DGKI: variants seen among roughly 807,000 people sequenced by gnomAD.
The protein encoded by DGKI is diacylglycerol kinase iota.
Under a neutral mutation model 147.5 loss-of-function variants are expected in DGKI, and 55 were observed. The ratio of observed to expected loss-of-function variants is 0.37; its 90% confidence interval spans 0.30 to 0.47. The LOEUF is 0.47. Among genes scored for constraint, DGKI ranks in the 20% least tolerant of loss-of-function variants. The probability of loss-of-function intolerance (pLI) is 1.00; values close to 1 mark genes in which losing one functional copy is unlikely to be tolerated. For synonymous variants in DGKI, 469 were observed against 477.1 expected (o/e 0.98, Z 0.22); for missense variants, 1,007 against 1,323.8 (o/e 0.76, Z 3.71).
intron 3 of DGKI, among the ~76,000 whole-genome samples, chr7:137,678,019 A>G (rs1324365147): frequency 6.6e-6 from 1 of 152,248 alleles, no homozygotes; most frequent in African/African-American, 2.4e-5. Context: ...AACAAAAGTT[A>G]ACTCCAATTG....
chr7:137,530,150 T>C (rs983124106), intron 20 of DGKI, among the ~76,000 whole-genome samples: 11 of 152,206 alleles, frequency 7.2e-5, no homozygotes, highest in African/African-American at 1.7e-4. Flanking sequence ...CATAAGACTA[T>C]ACAATATTGT....
intron 6 of DGKI, among the ~76,000 whole-genome samples, chr7:137,641,171 A>G (rs558392667): frequency 1.4e-4 from 22 of 152,322 alleles, no homozygotes; most frequent in South Asian, 4.1e-4. Context: ...CACCATCCAC[A>G]TAAGATGTGA....
At chr7:137,395,021 G>C (rs749654248) in intron 32 of DGKI, among the ~76,000 whole-genome samples, 2 of 152,088 alleles carry the variant, frequency 1.3e-5, no homozygotes, top group Non-Finnish European at 2.9e-5. Flanking sequence ...AGTACCTGAG[G>C]TTAACTTTTA....
At chr7:137,722,806 G>T (rs1231450769) in intron 1 of DGKI, 2 of 1,296,876 alleles carry the variant, frequency 1.5e-6, no homozygotes, top group Non-Finnish European at 2.2e-6. Context: ...CCTGTGATCT[G>T]TGGTTGCCCT....
Position 137,385,401 on chromosome 7 carries a change from T to C in DGKI, c.*5819A>G, listed in dbSNP as rs2128890179. 6.6e-6 allele frequency: 1 copy of C among 152,188 alleles called. No individual in the cohort carries two copies. The highest frequency in any genetic ancestry group is 1.9e-4 in the East Asian group (1 of 5,180). The allele number at this position is 152,188 out of a possible 1,614,324, so 9.4% of individuals were successfully genotyped here. On this transcript the variant is annotated 3_prime_UTR_variant, in exon 33 of 33. Coordinates refer to ENST00000614521, the MANE Select transcript of DGKI (RefSeq NM_001321708.2). ...CAACAAAGCCATTAAAAAATATCTTTTGAAAAATCACAGCATCTAATTTTA... is the reference window on the plus strand; with the variant it reads ...CAACAAAGCCATTAAAAAATATCTTCTGAAAAATCACAGCATCTAATTTTA...
chr7:137,618,151 A>ATATATATATATATATATATATTT lies in DGKI; in HGVS notation c.993+1672_993+1673insAAATATATATATATATATATATA. On this transcript the variant is annotated intron_variant, in intron 8 of 32. Transcript: ENST00000614521. ...ACTATATATATATATATATATATAT[A>ATATATATATATATATATATATTT]TTTTTTTTTTTTTACTCTATCATTC... Among the ~76,000 whole-genome samples the ATATATATATATATATATATATTT allele has an allele frequency of 2.8e-3, 29 of 10,444 alleles. 1 individual carries two copies. The highest frequency in any genetic ancestry group is 0.022 in the South Asian group (1 of 46). The allele number at this position is 10,444 out of a possible 152,430, so 6.9% of individuals were successfully genotyped here. A position where few individuals can be genotyped will look rare whatever the true frequency, so the allele number is the denominator to read the frequency against.
intron 1 of DGKI, among the ~76,000 whole-genome samples, chr7:137,752,176 G>C (rs1333168107): frequency 6.6e-6 from 1 of 151,962 alleles, no homozygotes; most frequent in Non-Finnish European, 1.5e-5. Flanking sequence ...GTTGTGGGGG[G>C]AGCAAAGAGG....
chr7:137,581,326 T>G (rs1461178555), intron 15 of DGKI, among the ~76,000 whole-genome samples: 1 of 152,144 alleles, frequency 6.6e-6, no homozygotes, highest in Non-Finnish European at 1.5e-5. Flanking sequence ...TTACATCCTA[T>G]GCTTTCAACC....
intron 23 of DGKI, among the ~76,000 whole-genome samples, chr7:137,474,795 G>A (rs570023804): frequency 6.6e-6 from 1 of 152,292 alleles, no homozygotes; most frequent in Non-Finnish European, 1.5e-5. Context: ...CAAGCCCAGA[G>A]GCGGCGGAAG....
At chr7:137,689,289 C>T (rs1011411957) in intron 2 of DGKI, among the ~76,000 whole-genome samples, 15 of 152,150 alleles carry the variant, frequency 9.9e-5, no homozygotes, top group African/African-American at 2.9e-4. Flanking sequence ...GCCAAGAACT[C>T]GACTCACTGA....
At chr7:137,541,523 C>T (rs548696251) in intron 20 of DGKI, among the ~76,000 whole-genome samples, 9 of 152,196 alleles carry the variant, frequency 5.9e-5, no homozygotes, top group Non-Finnish European at 1.3e-4. Context: ...TGCAAATACC[C>T]GTTTTATATG....
chr7:137,698,202 G>A (rs1204093928), intron 1 of DGKI, among the ~76,000 whole-genome samples: 1 of 151,312 alleles, frequency 6.6e-6, no homozygotes, highest in Non-Finnish European at 1.5e-5. Flanking sequence ...CCATATCCTG[G>A]AAAATACCTT....
chr7:137,734,913 C>T (rs1179503605), intron 1 of DGKI, among the ~76,000 whole-genome samples: 5 of 152,106 alleles, frequency 3.3e-5, no homozygotes, highest in Non-Finnish European at 7.4e-5. Flanking sequence ...CAACTACTCC[C>T]TCTCCTTTAC....
intron 3 of DGKI, among the ~76,000 whole-genome samples, chr7:137,671,306 T>C (rs1285033583): frequency 6.6e-6 from 1 of 152,194 alleles, no homozygotes; most frequent in Non-Finnish European, 1.5e-5. Context: ...GCTTGTGAGA[T>C]GAGATCACAG....
chr7:137,816,322 T>C (rs1354469642), intron 1 of DGKI, among the ~76,000 whole-genome samples: 2 of 152,220 alleles, frequency 1.3e-5, no homozygotes, highest in Non-Finnish European at 2.9e-5. Context: ...AAAATAACTC[T>C]CTTTCTCAGT....
At chr7:137,566,056 T>C (rs1818575263) in intron 19 of DGKI, among the ~76,000 whole-genome samples, 1 of 152,158 alleles carries the variant, frequency 6.6e-6, no homozygotes, top group African/African-American at 2.4e-5. Flanking sequence ...TGTACAAATA[T>C]ATTTATTAGT....
At chr7:137,838,332 T>A (rs183475341) in intron 1 of DGKI, among the ~76,000 whole-genome samples, 1 of 152,282 alleles carries the variant, frequency 6.6e-6, no homozygotes, top group African/African-American at 2.4e-5. Context: ...AAAGAGATTG[T>A]CTCAAACTCT....
At position 137,442,302 on chromosome 7, in the gene DGKI, T is replaced by C. The variant is rs115984676; in HGVS notation, c.2761+1775A>G. Among the ~76,000 whole-genome samples, 300 of 152,310 alleles carry C rather than the reference T, an allele frequency of 2.0e-3. 1 individual carries two copies. Among genetic ancestry groups the C allele is most frequent in the African/African-American group, 6.8e-3 (284 of 41,566 alleles). On this transcript the variant is annotated intron_variant, in intron 28 of 32. Coordinates refer to ENST00000614521, the MANE Select transcript of DGKI (RefSeq NM_001321708.2). Reference sequence around the variant, plus strand: ...AAGTCTTTCTGTCAGTAGTCACCCTTTAGGACTTCAAAGGACCCTGACATA... The same window carrying C: ...AAGTCTTTCTGTCAGTAGTCACCCTCTAGGACTTCAAAGGACCCTGACATA...
chr7:137,775,647 T>G (rs1190988976), intron 1 of DGKI, among the ~76,000 whole-genome samples: 1 of 152,188 alleles, frequency 6.6e-6, no homozygotes, highest in Non-Finnish European at 1.5e-5. Flanking sequence ...CGTCTATAAG[T>G]CTATCTTACA....
Sources: allele counts gnomAD v4.1 joint callset (sites outside exome capture counted in the v4.1 genomes callset), GRCh38; gene constraint gnomAD v4.1.1; transcripts MANE v1.5; gene names NCBI Gene and HGNC (gene_info 2026-07-23, HGNC 2026-07-21).